The following CWF19L2 variants were observed in gnomAD, a reference collection of about 807,000 sequenced individuals.
The protein encoded by CWF19L2 is CWF19 like cell cycle control factor 2.
In CWF19L2, 98 loss-of-function variants were observed where a neutral mutation model predicts 111.7. The ratio of observed to expected loss-of-function variants is 0.88; its 90% CI spans 0.75 to 1.04. CWF19L2 has a LOEUF of 1.04. CWF19L2 is among the 50% of genes least tolerant of loss of function. The pLI is 0.00. For synonymous variants in CWF19L2, 351 were observed against 342.9 expected (o/e 1.02, Z -0.26); for missense variants, 1,101 against 1,051.4 (o/e 1.05, Z -0.65).
intron 5 of CWF19L2, among the ~76,000 whole-genome samples, chr11:107,439,945 G>A (rs1402414629): frequency 6.6e-6 from 1 of 152,188 alleles, no homozygotes; most frequent in African/African-American, 2.4e-5. Context: ...AGAGGCACAA[G>A]TTCAGTCAGA....
At chr11:107,344,959 T>C (rs539208670) in intron 14 of CWF19L2, among the ~76,000 whole-genome samples, 1 of 152,288 alleles carries the variant, frequency 6.6e-6, no homozygotes, top group South Asian at 2.1e-4. Flanking sequence ...GGCTACTCAT[T>C]ACTGCTGGGT....
intron 8 of CWF19L2, 34 bp from the exon 9 acceptor site, chr11:107,418,321 A>G: frequency 7.3e-7 from 1 of 1,374,564 alleles, no homozygotes; most frequent in Non-Finnish European, 1.0e-6. Context: ...AGCATATGAA[A>G]TATAGGTGCG....
chr11:107,437,952 T>C (rs1861565911), intron 6 of CWF19L2, among the ~76,000 whole-genome samples: 1 of 152,170 alleles, frequency 6.6e-6, no homozygotes, highest in Non-Finnish European at 1.5e-5. Context: ...GAGAACCTTG[T>C]ATGACTATAG....
rs765123002 is a variant in CWF19L2 at position 107,392,818 on chromosome 11, T to C, written c.1695A>G (p.Lys565=). ...GRVWPVNTPG[K]SLESQGGRRK... ...TTCTTCCTCCTTGTGATTCCAGAGA[T>C]TTTCCGGGTGTGTTCACAGGCCATA... Residue 565 remains lysine (K), a synonymous_variant, in exon 11 of 18, where the codon AAA becomes AAG. Coordinates refer to ENST00000282251, the MANE Select transcript of CWF19L2 (RefSeq NM_152434.3). The C allele has an allele frequency of 6.3e-7, 1 of 1,596,242 alleles. No homozygotes were observed. Among genetic ancestry groups the C allele is most frequent in the South Asian group, 1.1e-5 (1 of 88,468 alleles).
Position 107,388,136 on chromosome 11 carries a change from C to G in CWF19L2, c.1872+1938G>C, listed in dbSNP as rs116640230. ...CATCACCTATATGGAAAGACTTTCCCTCAGCAACACTCTGTTGAAAATATC... is the reference window on the plus strand; with the variant it reads ...CATCACCTATATGGAAAGACTTTCCGTCAGCAACACTCTGTTGAAAATATC... On this transcript the variant is annotated intron_variant, in intron 12 of 17. Coordinates refer to ENST00000282251, the MANE Select transcript of CWF19L2 (RefSeq NM_152434.3). Among the ~76,000 whole-genome samples, 296 of 152,274 alleles carry G rather than the reference C, an allele frequency of 1.9e-3. 3 individuals are homozygous for G. Among genetic ancestry groups the G allele is most frequent in the African/African-American group, 6.4e-3 (267 of 41,538 alleles).
At chr11:107,407,262 C>T (rs1358657315) in intron 10 of CWF19L2, among the ~76,000 whole-genome samples, 8 of 152,070 alleles carry the variant, frequency 5.3e-5, no homozygotes, top group Non-Finnish European at 1.0e-4. Flanking sequence ...ATGCAGTCTA[C>T]AATATGGTTA....
chr11:107,331,287 A>G (rs1859846493), intron 16 of CWF19L2, among the ~76,000 whole-genome samples: 1 of 152,364 alleles, frequency 6.6e-6, no homozygotes, highest in Non-Finnish European at 1.5e-5. Context: ...CATGAGAAAC[A>G]TGAAGAAATG....
chr11:107,439,418 T>C (rs1204305446), intron 5 of CWF19L2, among the ~76,000 whole-genome samples: 1 of 152,214 alleles, frequency 6.6e-6, no homozygotes, highest in African/African-American at 2.4e-5. Context: ...AAGATTTAAC[T>C]GTCAAAAATC....
chr11:107,457,804 T>G lies in CWF19L2; in HGVS notation c.13A>C (p.Met5Leu). Residue 5 changes from methionine (M) to leucine (L), a missense_variant, in exon 1 of 18, where the codon ATG becomes CTG. Transcript: ENST00000282251. The part of the protein sequence containing the change: MATS[M>L]AAASGRFESA... ...TCAAATCTACCACTAGCAGCCGCCA[T>G]ACTTGTTGCCATCGTAAAGCTAAGA... 1.3e-6 allele frequency: 2 copies of G among 1,551,740 alleles called. No homozygotes were observed. Among genetic ancestry groups the G allele is most frequent in the Non-Finnish European group, 1.7e-6 (2 of 1,146,878 alleles).
At chr11:107,454,242 T>C (rs561515531) in intron 3 of CWF19L2, among the ~76,000 whole-genome samples, 1 of 152,344 alleles carries the variant, frequency 6.6e-6, no homozygotes, top group South Asian at 2.1e-4. Context: ...CCAAATCATA[T>C]CCCTATCCTC....
chr11:107,346,955 A>C (rs554466155), intron 14 of CWF19L2, among the ~76,000 whole-genome samples: 1 of 152,146 alleles, frequency 6.6e-6, no homozygotes, highest in South Asian at 2.1e-4. Context: ...ATGGCCCCAC[A>C]TATCACTCCA....
intron 7 of CWF19L2, among the ~76,000 whole-genome samples, chr11:107,430,329 C>T (rs1861448106): frequency 6.6e-6 from 1 of 151,794 alleles, no homozygotes; most frequent in South Asian, 2.1e-4. Context: ...AGACTTACAG[C>T]TGTTCATCCA....
chr11:107,408,547 CTTTAA>C lies in CWF19L2; in HGVS notation c.1617+7657_1617+7661del, dbSNP rs941527949. Among the ~76,000 whole-genome samples the C allele has an allele frequency of 5.3e-5, 8 of 152,004 alleles. No individual in the cohort carries two copies. In the East Asian group the frequency reaches 1.2e-3, roughly 22 times the overall value. ...CTAGTTTGTATTTATACACCATTTT[CTTTAA>C]TTTATTTTTTCTTAAAATATTTGCT... is the stretch of plus-strand genomic sequence containing the variant. On this transcript the variant is annotated intron_variant, in intron 10 of 17. Transcript: ENST00000282251.
chr11:107,453,279 C>A (rs1405865770), intron 3 of CWF19L2, among the ~76,000 whole-genome samples: 1 of 152,136 alleles, frequency 6.6e-6, no homozygotes, highest in Non-Finnish European at 1.5e-5. Context: ...TCCTTGGTGA[C>A]TCCTAGTGCT....
rs76683482 is a variant in CWF19L2 at position 107,430,817 on chromosome 11, A to T, written c.781-1366T>A. On this transcript the variant is annotated intron_variant, in intron 7 of 17. Coordinates refer to ENST00000282251, the MANE Select transcript of CWF19L2 (RefSeq NM_152434.3). ...ATGTACAGTATGAGGACTACAGTTA[A>T]TAATATCACATTATATACTGAAAAT... Among the ~76,000 whole-genome samples the T allele has an allele frequency of 9.0e-3, 1,365 of 152,154 alleles. 20 individuals are homozygous for T. The highest frequency in any genetic ancestry group is 0.031 in the African/African-American group (1,289 of 41,540).
intron 10 of CWF19L2, chr11:107,404,510 C>A: frequency 2.8e-6 from 2 of 727,168 alleles, no homozygotes; most frequent in South Asian, 1.5e-5. Flanking sequence ...TGGACTGTAT[C>A]CCACAAACCT....
intron 6 of CWF19L2, among the ~76,000 whole-genome samples, chr11:107,438,729 G>C (rs1861575707): frequency 6.6e-6 from 1 of 152,040 alleles, no homozygotes. Flanking sequence ...GTAAACTTGG[G>C]TCATACACTT....
At chr11:107,373,691 G>T (rs1343255213) in intron 12 of CWF19L2, among the ~76,000 whole-genome samples, 1 of 132,152 alleles carries the variant, frequency 7.6e-6, no homozygotes, top group African/African-American at 3.0e-5. Context: ...AGAAAAACTG[G>T]AAACTCTAAA....
At chr11:107,444,611 A>AT (rs1202635666) in intron 3 of CWF19L2, among the ~76,000 whole-genome samples, 3 of 152,190 alleles carry the variant, frequency 2.0e-5, no homozygotes, top group African/African-American at 7.2e-5. Flanking sequence ...AATTGTGCTG[A>AT]TATCTTTCAA....
Sources: gnomAD v4.1 joint callset for allele counts (sites outside exome capture counted in the v4.1 genomes callset) on GRCh38, gnomAD v4.1.1 for gene constraint, MANE v1.5 for transcripts, NCBI Gene and HGNC (gene_info 2026-07-23, HGNC 2026-07-21) for gene names.